Variants in RBMS1 observed in about 807,000 individuals in gnomAD.
RBMS1 encodes RNA binding motif single stranded interacting protein 1.
In RBMS1, 17 loss-of-function variants were observed where a neutral mutation model predicts 62.3. That is an observed-to-expected ratio of 0.27 (90% CI 0.19 to 0.41). RBMS1 has a LOEUF of 0.41. RBMS1 is among the 10% of genes least tolerant of loss of function. RBMS1 has a pLI of 1.00. For synonymous variants in RBMS1, 172 were observed against 170.0 expected (o/e 1.01, Z -0.09); for missense variants, 334 against 504.5 (o/e 0.66, Z 3.24).
chr2:160,394,376 C>T (rs1411909256), intron 1 of RBMS1, among the ~76,000 whole-genome samples: 1 of 152,046 alleles, frequency 6.6e-6, no homozygotes, highest in Admixed American at 6.5e-5. Context: ...ATAAGTCAGG[C>T]AGGAAGGGAC....
At chr2:160,377,960 G>C (rs773375974) in intron 1 of RBMS1, among the ~76,000 whole-genome samples, 121 of 152,250 alleles carry the variant, frequency 7.9e-4, no homozygotes, top group Admixed American at 1.8e-3. Flanking sequence ...TGATGGTACA[G>C]GCCAAATTTT....
chr2:160,298,427 A>G (rs1480250563), intron 6 of RBMS1, among the ~76,000 whole-genome samples: 8 of 152,222 alleles, frequency 5.3e-5, no homozygotes, highest in Admixed American at 5.2e-4. Flanking sequence ...GACTATGAAT[A>G]TAAGTAGTAG....
intron 4 of RBMS1, among the ~76,000 whole-genome samples, chr2:160,307,717 C>A (rs1244814052): frequency 6.6e-6 from 1 of 152,192 alleles, no homozygotes; most frequent in Non-Finnish European, 1.5e-5. Context: ...TCTGCCCAAG[C>A]TTGGAAAAAA....
rs1392540492 is a variant in RBMS1, at chr2:160,493,527, CTCCTCCTCCTCCTCT to C, written c.-179_-165del. The stretch of plus-strand genomic sequence containing the variant: ...CTCCCAGCCGGGACCAGACGTCCTC[CTCCTCCTCCTCCTCT>C]TCCTCCTCCTCCTCCTCCTCCTCCT... On this transcript the variant is annotated 5_prime_UTR_variant, in exon 1 of 14. Coordinates refer to ENST00000348849, the MANE Select transcript of RBMS1 (RefSeq NM_016836.4). 7.9e-6 allele frequency: 5 copies of C among 629,812 alleles called. No individual in the cohort carries two copies. Among genetic ancestry groups the C allele is most frequent in the African/African-American group, 3.9e-5 (2 of 51,120 alleles). 39.0% of individuals were successfully genotyped at this position (629,812 alleles called of 1,614,324 possible).
chr2:160,286,898 G>A lies in RBMS1; in HGVS notation c.756+71C>T. ...CAGCCAAGTCAAGATGCCTTTTTGT[G>A]TTACTTTTCATGTGGGCATTCAAGA... On this transcript the variant is annotated intron_variant, in intron 7 of 13. Coordinates refer to ENST00000348849, the MANE Select transcript of RBMS1 (RefSeq NM_016836.4). The A allele has an allele frequency of 1.9e-6, 3 of 1,601,106 alleles. No individual in the cohort carries two copies. The South Asian group carries it at 3.3e-5, about 18-fold the overall frequency.
intron 1 of RBMS1, among the ~76,000 whole-genome samples, chr2:160,396,056 C>T (rs13005826): frequency 0.69 from 105,130 of 152,036 alleles, 36,894 homozygotes; most frequent in East Asian, 0.88. Context: ...GTAACTATTA[C>T]CCCTGGTTTT....
chr2:160,493,320 G>C lies in RBMS1; in HGVS notation c.44C>G (p.Thr15Ser), dbSNP rs1169023027. ...TTGCAGATACTGGGGGTAATAGTAG[G>C]TGGCGTACTGAGGGTACATCTGCTG... ...WKQQMYPQYA[T>S]YYYPQYLQAK... The change falls in exon 1 of 14, where the codon ACC (threonine) becomes AGC (serine). Residue 15 changes from threonine (T) to serine (S), a missense_variant. Coordinates refer to ENST00000348849, the MANE Select transcript of RBMS1 (RefSeq NM_016836.4). The C allele has an allele frequency of 6.2e-7, 1 of 1,613,484 alleles. No homozygotes were observed. Among genetic ancestry groups the C allele is most frequent in the Non-Finnish European group, 8.5e-7 (1 of 1,179,620 alleles).
chr2:160,320,358 T>C (rs1376282103), intron 2 of RBMS1, among the ~76,000 whole-genome samples: 2 of 152,104 alleles, frequency 1.3e-5, no homozygotes, highest in African/African-American at 4.8e-5. Context: ...CTATTGTCCC[T>C]GCTACTTAGG....
intron 2 of RBMS1, among the ~76,000 whole-genome samples, chr2:160,331,577 T>A (rs1223629578): frequency 1.3e-5 from 2 of 152,182 alleles, no homozygotes; most frequent in Admixed American, 6.6e-5. Context: ...ACATTTGACA[T>A]TCAGAAGAAA....
At chr2:160,364,472 G>T (rs1693292951) in intron 2 of RBMS1, among the ~76,000 whole-genome samples, 1 of 152,070 alleles carries the variant, frequency 6.6e-6, no homozygotes, top group African/African-American at 2.4e-5. Flanking sequence ...AGGCTAGTTG[G>T]CTTCCAGTCT....
At chr2:160,458,042 C>T (rs1454253604) in intron 1 of RBMS1, among the ~76,000 whole-genome samples, 1 of 152,114 alleles carries the variant, frequency 6.6e-6, no homozygotes, top group East Asian at 1.9e-4. Flanking sequence ...TTGCTCACTG[C>T]AGCCTCAACC....
chr2:160,322,264 A>G (rs775686814), intron 2 of RBMS1, among the ~76,000 whole-genome samples: 1 of 152,236 alleles, frequency 6.6e-6, no homozygotes, highest in Non-Finnish European at 1.5e-5. Context: ...GTAAATTTTC[A>G]TGGCAACTTA....
At chr2:160,281,438 T>A (rs1688100974) in intron 9 of RBMS1, 74 bp from the exon 10 acceptor site, 1 of 1,193,704 alleles carries the variant, frequency 8.4e-7, no homozygotes, top group Non-Finnish European at 1.2e-6. Flanking sequence ...GAACTCTTTT[T>A]AATCATGTTA....
chr2:160,377,495 C>T (rs1475005614), intron 1 of RBMS1, among the ~76,000 whole-genome samples: 12 of 152,188 alleles, frequency 7.9e-5, no homozygotes, highest in Non-Finnish European at 1.2e-4. Context: ...AGGCAGGACT[C>T]CTGGTCTGTG....
chr2:160,312,168 T>C (rs905542770), intron 4 of RBMS1, among the ~76,000 whole-genome samples: 1 of 152,174 alleles, frequency 6.6e-6, no homozygotes. Context: ...ATTTAGATCA[T>C]GTAAGGCCAA....
intron 1 of RBMS1, among the ~76,000 whole-genome samples, chr2:160,417,887 C>T (rs1337099366): frequency 6.6e-6 from 1 of 152,074 alleles, no homozygotes; most frequent in Non-Finnish European, 1.5e-5. Context: ...TCAGTTTTTC[C>T]AAGGAGATCT....
At chr2:160,382,148 G>T (rs1694313375) in intron 1 of RBMS1, among the ~76,000 whole-genome samples, 1 of 152,186 alleles carries the variant, frequency 6.6e-6, no homozygotes, top group South Asian at 2.1e-4. Context: ...TGAAGCTGCT[G>T]CAGTGATTAA....
chr2:160,295,136 G>C (rs1688872911), intron 6 of RBMS1, among the ~76,000 whole-genome samples: 1 of 152,162 alleles, frequency 6.6e-6, no homozygotes, highest in Non-Finnish European at 1.5e-5. Flanking sequence ...CACTGTGCCA[G>C]TGTGCTTCCA....
chr2:160,402,012 A>C (rs1428282472), intron 1 of RBMS1: 1 of 152,138 alleles, frequency 6.6e-6, no homozygotes, highest in Non-Finnish European at 1.5e-5. Flanking sequence ...CCATTCTTAG[A>C]GGCTGTAAAC....
Sources: allele counts gnomAD v4.1 joint callset (sites outside exome capture counted in the v4.1 genomes callset), GRCh38; gene constraint gnomAD v4.1.1; transcripts MANE v1.5; gene names NCBI Gene and HGNC (gene_info 2026-07-23, HGNC 2026-07-21).